ASXL2: variants seen among roughly 807,000 people sequenced by gnomAD.
ASXL2 encodes ASXL transcriptional regulator 2.
ASXL2 carries 23 observed loss-of-function variants against 122.0 expected under a neutral mutation model. The observed-to-expected ratio is 0.19, with a 90% CI of 0.14 to 0.27. The LOEUF is 0.27. Among genes scored for constraint, ASXL2 ranks in the 10% least tolerant of loss-of-function variants. The pLI is 1.00. For synonymous variants in ASXL2, 650 were observed against 637.0 expected (o/e 1.02, Z -0.31); for missense variants, 1,518 against 1,713.8 (o/e 0.89, Z 2.02).
At position 25,856,592 on chromosome 2, in the gene ASXL2, C is replaced by A. The variant is rs1175274671; in HGVS notation, c.58-11029G>T. On this transcript the variant is annotated intron_variant, in intron 1 of 12. Transcript: ENST00000435504. ...AGGGGTAGGGGGCGCCAGTCTTGAT[C>A]TGTCCTGTGCAGAGCCCCACCACAA... 9 of 1,207,790 alleles carry A rather than the reference C, an allele frequency of 7.5e-6. No homozygotes were observed. The African/African-American group carries it at 1.0e-4, about 14-fold the overall frequency. The allele number at this position is 1,207,790 out of a possible 1,614,324, so 74.8% of individuals were successfully genotyped here.
intron 11 of ASXL2, among the ~76,000 whole-genome samples, chr2:25,752,652 A>G (rs1456027986): frequency 6.6e-6 from 1 of 151,462 alleles, no homozygotes; most frequent in Non-Finnish European, 1.5e-5. Flanking sequence ...GTTCGAGACC[A>G]GCCTGGCCAA....
chr2:25,750,168 G>A lies in ASXL2; in HGVS notation c.1388C>T (p.Pro463Leu). Reference sequence around the variant, plus strand: ...TGTATTGAGAGCTGAGGAAAGCAGGGGCTCTGAAGATGTGGAGAAGTTCGG... The same window carrying A: ...TGTATTGAGAGCTGAGGAAAGCAGGAGCTCTGAAGATGTGGAGAAGTTCGG... ...VQPNFSTSSE[P>L]LLSSALNTHE... The change falls in exon 12 of 13, where the codon CCC becomes CTC. Residue 463 changes from proline (P) to leucine (L), a missense_variant. By Grantham distance (98) the Pro-to-Leu change is moderately conservative (BLOSUM62 -3). Transcript: ENST00000435504. 2.5e-6 allele frequency: 4 copies of A among 1,613,954 alleles called. No individual in the cohort carries two copies. Among genetic ancestry groups the A allele is most frequent in the Non-Finnish European group, 2.5e-6 (3 of 1,179,872 alleles).
In ASXL2 at chr2:25,768,768, G is replaced by T; in HGVS notation, c.605C>A (p.Ala202Asp). The T allele has an allele frequency of 6.2e-7, 1 of 1,613,792 alleles. No individual in the cohort carries two copies. Among genetic ancestry groups the T allele is most frequent in the Non-Finnish European group, 8.5e-7 (1 of 1,179,774 alleles). The stretch of plus-strand genomic sequence containing the variant: ...AGGTTTGGCAGGTACAGAGTCACTG[G>T]CTGCTTTGACAGTCTTTAGTGAGAG... Reference protein sequence around the residue: ...QHLSLKTVKAASDSVPAKPAT... With the variant: ...QHLSLKTVKADSDSVPAKPAT... The change falls in exon 7 of 13, where the codon GCC becomes GAC. Residue 202 changes from alanine (A) to aspartate (D), a missense_variant. Physicochemically the swap from Ala to Asp is moderately radical, Grantham distance 126. Around this residue, in one of 8 missense-constraint regions of ASXL2, gnomAD observed 198 missense variants for 209.0 expected, o/e 0.95. Transcript: ENST00000435504.
chr2:25,804,243 T>C (rs974428066), intron 4 of ASXL2, among the ~76,000 whole-genome samples: 11 of 152,214 alleles, frequency 7.2e-5, no homozygotes, highest in African/African-American at 2.7e-4. Context: ...AGGTAACACA[T>C]ATATGCATGG....
intron 9 of ASXL2, among the ~76,000 whole-genome samples, chr2:25,758,335 T>A (rs1462117749): frequency 6.6e-6 from 1 of 152,258 alleles, no homozygotes; most frequent in Non-Finnish European, 1.5e-5. Flanking sequence ...GTATAACCAG[T>A]TCTTTTACTG....
chr2:25,740,952 G>C lies in ASXL2; in HGVS notation c.*1077C>G. On this transcript the variant is annotated 3_prime_UTR_variant, in exon 13 of 13. Transcript: ENST00000435504. ...GTGGCATTGGTGAGCTTTTCTACCT[G>C]CAACAGCAGCTGACTATCTAGCACT... 1 of 192,500 alleles carries C rather than the reference G, an allele frequency of 5.2e-6. No individual in the cohort carries two copies. The allele number at this position is 192,500 out of a possible 1,614,324, so 11.9% of individuals were successfully genotyped here. A position where few individuals can be genotyped will look rare whatever the true frequency, so the allele number is the denominator to read the frequency against.
intron 1 of ASXL2, among the ~76,000 whole-genome samples, chr2:25,859,246 AAC>A (rs1283230655): frequency 1.3e-5 from 2 of 152,126 alleles, no homozygotes. Flanking sequence ...CCAGCTAAGA[AAC>A]CTGAATTTTA....
At chr2:25,813,932 C>A (rs13015682) in intron 3 of ASXL2, among the ~76,000 whole-genome samples, 2,990 of 152,258 alleles carry the variant, frequency 0.02, 51 homozygotes, top group South Asian at 0.058. Context: ...CGCCTGTTGT[C>A]CCAGCTACTT....
chr2:25,809,714 T>G (rs1429038251), intron 3 of ASXL2, among the ~76,000 whole-genome samples: 1 of 152,224 alleles, frequency 6.6e-6, no homozygotes, highest in Admixed American at 6.5e-5. Context: ...TCACATTCCC[T>G]TAAGTGTTGT....
intron 1 of ASXL2, among the ~76,000 whole-genome samples, chr2:25,867,255 T>C (rs561631622): frequency 6.6e-6 from 1 of 152,242 alleles, no homozygotes; most frequent in South Asian, 2.1e-4. Context: ...ATGAGAATTG[T>C]ATTGTGCTAC....
At position 25,743,252 on chromosome 2, in the gene ASXL2, G is replaced by C. The variant is rs2087868863; in HGVS notation, c.3085C>G (p.Leu1029Val). 1 of 1,613,668 alleles carries C rather than the reference G, an allele frequency of 6.2e-7. No individual in the cohort carries two copies. The highest frequency in any genetic ancestry group is 8.5e-7 in the Non-Finnish European group (1 of 1,179,696). Reference protein sequence around the residue: ...QLGKTLQSKQLPQVPRPLQLF... With the variant: ...QLGKTLQSKQVPQVPRPLQLF... The stretch of plus-strand genomic sequence containing the variant: ...TGAAGGGGCCTTGGAACCTGGGGGA[G>C]CTGCTTACTTTGCAAGGTTTTGCCC... Residue 1029 changes from leucine to valine, a missense_variant, in exon 13 of 13, where the codon CTC becomes GTC. Around this residue, in one of 8 missense-constraint regions of ASXL2, gnomAD observed 831 missense variants for 833.1 expected, o/e 1.00. Transcript: ENST00000435504.
At chr2:25,854,011 A>G (rs2089748705) in intron 1 of ASXL2, among the ~76,000 whole-genome samples, 3 of 152,214 alleles carry the variant, frequency 2.0e-5, no homozygotes, top group Non-Finnish European at 2.9e-5. Flanking sequence ...AAAGTAGCTG[A>G]GAATACTTAA....
intron 6 of ASXL2, among the ~76,000 whole-genome samples, chr2:25,770,618 G>C (rs1251311361): frequency 6.6e-6 from 1 of 152,142 alleles, no homozygotes; most frequent in Non-Finnish European, 1.5e-5. Context: ...AGCCAGGCGT[G>C]GTGATGGGTG....
At chr2:25,794,668 T>C (rs1358336597) in intron 5 of ASXL2, among the ~76,000 whole-genome samples, 1 of 152,218 alleles carries the variant, frequency 6.6e-6, no homozygotes, top group Admixed American at 6.5e-5. Flanking sequence ...AGAAAGTTTC[T>C]ATCGATTTTC....
Position 25,740,863 on chromosome 2 carries a change from TAAG to T in ASXL2, c.*1163_*1165del. 5.3e-6 allele frequency: 1 copy of T among 190,278 alleles called. No individual in the cohort carries two copies. Among genetic ancestry groups the T allele is most frequent in the African/African-American group, 2.3e-5 (1 of 42,962 alleles). 11.8% of individuals were successfully genotyped at this position (190,278 alleles called of 1,614,324 possible). A position where few individuals can be genotyped will look rare whatever the true frequency, so the allele number is the denominator to read the frequency against. On this transcript the variant is annotated 3_prime_UTR_variant, in exon 13 of 13. Coordinates refer to ENST00000435504, the MANE Select transcript of ASXL2 (RefSeq NM_018263.6). ...CACGTATGTGTAAAGTAAGATATAA[TAAG>T]ATGATGTCATCCTGTTCAGATGCCT...
chr2:25,783,759 A>T (rs1001143548), intron 5 of ASXL2, among the ~76,000 whole-genome samples: 6 of 147,446 alleles, frequency 4.1e-5, no homozygotes, highest in African/African-American at 1.5e-4. Flanking sequence ...TTGTCTATGT[A>T]AAAAAAAAAT....
At chr2:25,812,195 G>A (rs369461971) in intron 3 of ASXL2, among the ~76,000 whole-genome samples, 237 of 148,964 alleles carry the variant, frequency 1.6e-3, no homozygotes, top group African/African-American at 5.6e-3. Flanking sequence ...GCAGTGGCTC[G>A]CGTCTATAAT....
intron 5 of ASXL2, among the ~76,000 whole-genome samples, chr2:25,773,118 G>A (rs547763462): frequency 6.6e-6 from 1 of 151,690 alleles, no homozygotes; most frequent in South Asian, 2.1e-4. Context: ...CTGAGCAGGA[G>A]AATCCCTTGA....
At chr2:25,857,275 C>G (rs181988500) in intron 1 of ASXL2, among the ~76,000 whole-genome samples, 2 of 152,042 alleles carry the variant, frequency 1.3e-5, no homozygotes, top group African/African-American at 4.8e-5. Context: ...GGAAGTGACA[C>G]GTATTACTTC....
Sources: allele counts gnomAD v4.1 joint callset (sites outside exome capture counted in the v4.1 genomes callset), GRCh38; gene constraint gnomAD v4.1.1; regional missense constraint gnomAD v4.1.1; transcripts MANE v1.5; gene names NCBI Gene and HGNC (gene_info 2026-07-23, HGNC 2026-07-21).